MAP2: variants seen among roughly 807,000 people sequenced by gnomAD.
The protein encoded by MAP2 is microtubule-associated protein 2.
MAP2 carries 14 observed loss-of-function variants against 137.6 expected under a neutral mutation model. That is an observed-to-expected ratio of 0.10 (90% confidence interval 0.07 to 0.16). MAP2 has a LOEUF of 0.16. MAP2 is among the 10% of genes least tolerant of loss of function. The pLI is 1.00. For missense variants in MAP2, 2,088 were observed against 2,191.5 expected (o/e 0.95, Z 0.94); for synonymous variants, 786 against 782.3 (o/e 1.00, Z -0.08).
At chr2:209,555,640 A>G (rs1012622526) in intron 2 of MAP2, among the ~76,000 whole-genome samples, 1 of 152,170 alleles carries the variant, frequency 6.6e-6, no homozygotes, top group Admixed American at 6.5e-5. Context: ...TTACTTCACA[A>G]CTCAAGTTTA....
chr2:209,505,341 A>G (rs983249231), intron 1 of MAP2, among the ~76,000 whole-genome samples: 3 of 152,176 alleles, frequency 2.0e-5, no homozygotes, highest in Non-Finnish European at 4.4e-5. Context: ...TTTTTATTTT[A>G]TGCTTAGAAA....
intron 2 of MAP2, among the ~76,000 whole-genome samples, chr2:209,522,976 T>C (rs2063496405): frequency 6.6e-6 from 1 of 152,184 alleles, no homozygotes; most frequent in Non-Finnish European, 1.5e-5. Flanking sequence ...TCTTTAGATA[T>C]GATGTATTAC....
chr2:209,442,031 G>A (rs1374376166), intron 1 of MAP2, among the ~76,000 whole-genome samples: 1 of 151,406 alleles, frequency 6.6e-6, no homozygotes, highest in African/African-American at 2.4e-5. Context: ...TTAATTATTG[G>A]ACAAACACCC....
intron 1 of MAP2, among the ~76,000 whole-genome samples, chr2:209,484,658 C>T (rs2058149886): frequency 6.6e-6 from 1 of 152,204 alleles, no homozygotes; most frequent in South Asian, 2.1e-4. Context: ...CCACTGCAGT[C>T]TAACGTGGGC....
intron 3 of MAP2, among the ~76,000 whole-genome samples, chr2:209,617,862 C>A (rs2090008022): frequency 6.6e-6 from 1 of 151,990 alleles, no homozygotes; most frequent in African/African-American, 2.4e-5. Context: ...TGTTTGAAAT[C>A]TATTGTGTAC....
chr2:209,513,401 G>A (rs1034991494), intron 2 of MAP2, among the ~76,000 whole-genome samples: 3 of 152,062 alleles, frequency 2.0e-5, no homozygotes, highest in African/African-American at 7.2e-5. Context: ...ACTTATGCGT[G>A]CTGTCTCAAT....
intron 7 of MAP2, among the ~76,000 whole-genome samples, chr2:209,688,933 GA>G (rs2058013961): frequency 6.6e-6 from 1 of 152,028 alleles, no homozygotes. Flanking sequence ...CTCTGATAAA[GA>G]AATATAACCC....
At chr2:209,493,059 A>T (rs2059324860) in intron 1 of MAP2, among the ~76,000 whole-genome samples, 1 of 152,224 alleles carries the variant, frequency 6.6e-6, no homozygotes, top group South Asian at 2.1e-4. Context: ...CCAAAATGTT[A>T]TGGTACTGGT....
intron 2 of MAP2, among the ~76,000 whole-genome samples, chr2:209,543,188 A>G (rs1234683915): frequency 6.6e-6 from 1 of 152,216 alleles, no homozygotes; most frequent in East Asian, 1.9e-4. Context: ...AAGAAGAGAG[A>G]GAGAGAAATA....
rs140150130 is a variant in MAP2, at chr2:209,627,462, A to G, written c.-30+2333A>G. Among the ~76,000 whole-genome samples, 22 of 152,254 alleles carry G rather than the reference A, an allele frequency of 1.4e-4. 1 individual carries two copies. In the East Asian group the frequency reaches 3.5e-3, roughly 24 times the overall value. On this transcript the variant is annotated intron_variant, in intron 4 of 15. Coordinates refer to ENST00000682079, the MANE Select transcript of MAP2 (RefSeq NM_001375505.1). The stretch of plus-strand genomic sequence containing the variant: ...TGAGTAAGTAAATTTGAGATTTTAT[A>G]TAAGTCTCTTAGGTCAGAAATGCAT...
chr2:209,431,039 C>T (rs1232092331), intron 1 of MAP2, among the ~76,000 whole-genome samples: 1 of 152,048 alleles, frequency 6.6e-6, no homozygotes, highest in Non-Finnish European at 1.5e-5. Context: ...AGCTTTAAAA[C>T]TCAGTCACGA....
chr2:209,563,523 A>C (rs1414899359), intron 2 of MAP2, among the ~76,000 whole-genome samples: 2 of 152,022 alleles, frequency 1.3e-5, no homozygotes, highest in African/African-American at 4.8e-5. Flanking sequence ...AAGATTAAGG[A>C]CACCTGCATC....
At chr2:209,646,067 C>G (rs2094402575) in intron 4 of MAP2, among the ~76,000 whole-genome samples, 1 of 151,990 alleles carries the variant, frequency 6.6e-6, no homozygotes, top group Non-Finnish European at 1.5e-5. Context: ...TAGCTGTAGT[C>G]CCAGCTACTT....
chr2:209,480,865 T>C (rs917946813), intron 1 of MAP2, among the ~76,000 whole-genome samples: 2 of 152,166 alleles, frequency 1.3e-5, no homozygotes, highest in Non-Finnish European at 2.9e-5. Flanking sequence ...TCTCTTTCTC[T>C]TTCTCACTCT....
intron 2 of MAP2, among the ~76,000 whole-genome samples, chr2:209,526,891 A>G (rs558005439): frequency 1.4e-3 from 218 of 152,162 alleles, no homozygotes; most frequent in Middle Eastern, 0.014. Flanking sequence ...TGGCAGATCT[A>G]TGATGGAATA....
At chr2:209,622,992 T>G (rs1228595369) in intron 3 of MAP2, among the ~76,000 whole-genome samples, 1 of 152,198 alleles carries the variant, frequency 6.6e-6, no homozygotes, top group Admixed American at 6.5e-5. Flanking sequence ...TTTAAGTATT[T>G]AGGGTTGGAA....
chr2:209,707,050 T>G (rs1017679276), intron 12 of MAP2, among the ~76,000 whole-genome samples: 1 of 152,110 alleles, frequency 6.6e-6, no homozygotes, highest in Admixed American at 6.6e-5. Flanking sequence ...GAGTTGAAAT[T>G]GAACATAATT....
chr2:209,461,152 AT>A lies in MAP2; in HGVS notation c.-222+36878del, dbSNP rs1366453914. Among the ~76,000 whole-genome samples the A allele has an allele frequency of 2.6e-5, 4 of 152,380 alleles. No homozygotes were observed. The South Asian group carries it at 8.3e-4, about 32-fold the overall frequency. On this transcript the variant is annotated intron_variant, in intron 1 of 15. Transcript: ENST00000682079. ...AAAACGTGATTATTAAGTAAACTTA[AT>A]TATTACTACCAGAAAACTATTCACA...
intron 1 of MAP2, among the ~76,000 whole-genome samples, chr2:209,478,146 C>A (rs571024445): frequency 6.6e-6 from 1 of 152,018 alleles, no homozygotes; most frequent in Non-Finnish European, 1.5e-5. Context: ...AACAAACAAA[C>A]AAAAAATTCT....
Sources: allele counts gnomAD v4.1 joint callset (sites outside exome capture counted in the v4.1 genomes callset), GRCh38; gene constraint gnomAD v4.1.1; transcripts MANE v1.5; gene names NCBI Gene and HGNC (gene_info 2026-07-23, HGNC 2026-07-21).